EDNRB: variants seen among roughly 807,000 people sequenced by gnomAD.
EDNRB encodes the protein Hirschsprung disease 2.
A neutral mutation model predicts 46.4 loss-of-function variants in EDNRB; 18 were observed. The observed-to-expected ratio is 0.39, with a 90% confidence interval of 0.27 to 0.57. EDNRB has a LOEUF of 0.57. EDNRB is among the 20% of genes least tolerant of loss of function. EDNRB has a pLI of 0.61. For missense variants in EDNRB, 434 were observed against 537.5 expected (o/e 0.81, Z 1.90); for synonymous variants, 213 against 204.9 (o/e 1.04, Z -0.34).
At chr13:77,949,268 G>A (rs1171629787) in intron 1 of EDNRB, among the ~76,000 whole-genome samples, 1 of 152,058 alleles carries the variant, frequency 6.6e-6, no homozygotes, top group East Asian at 1.9e-4. Context: ...GCATTCATTT[G>A]TGCTGATGCT....
intron 1 of EDNRB, among the ~76,000 whole-genome samples, chr13:77,916,471 C>T (rs1879810523): frequency 6.6e-6 from 1 of 152,174 alleles, no homozygotes; most frequent in Non-Finnish European, 1.5e-5. Context: ...AATCAATTGC[C>T]ATACAGGATT....
chr13:77,945,876 C>CAAAAAAAAAA (rs67463440), intron 1 of EDNRB, among the ~76,000 whole-genome samples: 83 of 115,524 alleles, frequency 7.2e-4, no homozygotes, highest in Middle Eastern at 5.2e-3. Context: ...TGCAAAAAAC[C>CAAAAAAAAAA]AAAAAAAAAA....
chr13:77,898,645 C>G (rs1187511742), intron 6 of EDNRB, among the ~76,000 whole-genome samples: 1 of 151,728 alleles, frequency 6.6e-6, no homozygotes, highest in African/African-American at 2.4e-5. Context: ...AAGACTTTTC[C>G]CCATGAAAAC....
chr13:77,919,483 T>C, upstream of EDNRB: 1 of 1,612,840 alleles, frequency 6.2e-7, no homozygotes, highest in Non-Finnish European at 8.5e-7. Flanking sequence ...CAGCCTGCTC[T>C]GGGAGAGGAG....
At chr13:77,908,039 A>G (rs1298899783) in intron 1 of EDNRB, among the ~76,000 whole-genome samples, 30 of 64,994 alleles carry the variant, frequency 4.6e-4, no homozygotes, top group African/African-American at 1.5e-3. Flanking sequence ...AAAAAAAAAA[A>G]AAAAAGAGAG....
intron 1 of EDNRB, among the ~76,000 whole-genome samples, chr13:77,942,346 G>A (rs113416266): frequency 2.0e-5 from 3 of 152,082 alleles, no homozygotes; most frequent in Non-Finnish European, 2.9e-5. Flanking sequence ...TCACAACAAC[G>A]CTGAAAGATG....
At position 77,912,157 on chromosome 13, in the gene EDNRB, GA is replaced by G. The variant is rs138386898; in HGVS notation, c.483+5933del. 5.9e-4 allele frequency among the ~76,000 whole-genome samples: 90 copies of G among 152,180 alleles called. 1 individual carries two copies. The highest frequency in any genetic ancestry group is 2.1e-3 in the African/African-American group (88 of 41,536). ...CAACTATGGAAATATCTTCAATCTT[GA>G]AAGACTCATTTTAAATGAGCAAACT... On this transcript the variant is annotated intron_variant, in intron 1 of 6. Coordinates refer to ENST00000646607, the MANE Select transcript of EDNRB (RefSeq NM_001122659.3).
intron 1 of EDNRB, among the ~76,000 whole-genome samples, chr13:77,958,280 A>G (rs1219668622): frequency 6.6e-6 from 1 of 152,232 alleles, no homozygotes; most frequent in Non-Finnish European, 1.5e-5. Context: ...TGGCTTTAGT[A>G]TATTTAAAGC....
intron 1 of EDNRB, chr13:77,940,024 A>AAATAAAT (rs747269983): frequency 7.0e-6 from 1 of 143,608 alleles, no homozygotes; most frequent in Middle Eastern, 3.6e-3. Flanking sequence ...ATAAATAAAT[A>AAATAAAT]AAATAAAAAT....
chr13:77,943,362 A>G (rs746094779), intron 1 of EDNRB, among the ~76,000 whole-genome samples: 5 of 152,074 alleles, frequency 3.3e-5, no homozygotes, highest in Non-Finnish European at 5.9e-5. Flanking sequence ...TTAATGATGG[A>G]GGTTTCTCAT....
chr13:77,922,404 A>G (rs2137645752), upstream of EDNRB, among the ~76,000 whole-genome samples: 1 of 152,340 alleles, frequency 6.6e-6, no homozygotes, highest in South Asian at 2.1e-4. Context: ...CAGAACAAAG[A>G]AAAGCCCTTT....
At chr13:77,900,491 A>G (rs201952865) in intron 5 of EDNRB, 30 bp downstream of exon 5, 105 of 1,611,536 alleles carry the variant, frequency 6.5e-5, no homozygotes, top group Middle Eastern at 1.7e-4. Flanking sequence ...GCATTTATTT[A>G]CAAAACCATT....
At chr13:77,957,819 G>C (rs1485897205) in intron 1 of EDNRB, among the ~76,000 whole-genome samples, 4 of 152,162 alleles carry the variant, frequency 2.6e-5, no homozygotes, top group Non-Finnish European at 5.9e-5. Context: ...GGGTAATTTT[G>C]AAAACTTCAG....
rs528656907 is a variant in EDNRB at position 77,952,634 on chromosome 13, T to G, written c.-52+22713A>C. Among the ~76,000 whole-genome samples the G allele has an allele frequency of 7.9e-5, 12 of 152,172 alleles. No homozygotes were observed. In the East Asian group the frequency reaches 2.1e-3, roughly 27 times the overall value. On this transcript the variant is annotated intron_variant, in intron 1 of 7. Coordinates refer to the EDNRB transcript ENST00000646948. ...ACTACAATATTTAGGGTTTTTAAAG[T>G]AAAAAATACTGTGGCTGAAGAAAAA...
intron 1 of EDNRB, among the ~76,000 whole-genome samples, chr13:77,935,325 T>C (rs1343050596): frequency 6.6e-6 from 1 of 152,126 alleles, no homozygotes; most frequent in African/African-American, 2.4e-5. Flanking sequence ...GCACTTTGGC[T>C]GTGGGTAATG....
intron 1 of EDNRB, among the ~76,000 whole-genome samples, chr13:77,926,820 G>A (rs1022231169): frequency 6.6e-6 from 1 of 152,198 alleles, no homozygotes; most frequent in African/African-American, 2.4e-5. Context: ...AAGGAAAAGA[G>A]GTTTAATTGG....
intron 1 of EDNRB, among the ~76,000 whole-genome samples, chr13:77,954,113 TTTC>T (rs1183196084): frequency 6.6e-6 from 1 of 152,200 alleles, no homozygotes; most frequent in Non-Finnish European, 1.5e-5. Context: ...GCATCCCTTT[TTTC>T]TTTTGTTTCT....
At chr13:77,942,061 T>A (rs117061453) in intron 1 of EDNRB, among the ~76,000 whole-genome samples, 2 of 152,190 alleles carry the variant, frequency 1.3e-5, no homozygotes, top group African/African-American at 4.8e-5. Context: ...TTGTGCTTTG[T>A]CTAAACAAAA....
upstream of EDNRB, among the ~76,000 whole-genome samples, chr13:77,922,751 T>C (rs1880121906): frequency 6.6e-6 from 1 of 152,232 alleles, no homozygotes; most frequent in Non-Finnish European, 1.5e-5. Flanking sequence ...GTATAATGTA[T>C]GTACAGTGAA....
Sources: gnomAD v4.1 joint callset for allele counts (sites outside exome capture counted in the v4.1 genomes callset) on GRCh38, gnomAD v4.1.1 for gene constraint, MANE v1.5 for transcripts, NCBI Gene and HGNC (gene_info 2026-07-23, HGNC 2026-07-21) for gene names.